Variants in DMD observed in about 807,000 individuals in gnomAD.
DMD encodes the protein mutant dystrophin.
A neutral mutation model predicts 330.1 loss-of-function variants in DMD; 63 were observed. The ratio of observed to expected loss-of-function variants is 0.19; its 90% CI spans 0.16 to 0.24. DMD has a LOEUF of 0.24. Ranked by LOEUF, DMD falls within the 10% of genes least tolerant of loss-of-function variation. DMD has a pLI of 1.00. For synonymous variants in DMD, 1,223 were observed against 959.8 expected (o/e 1.27, Z -5.07); for missense variants, 3,344 against 2,684.1 (o/e 1.25, Z -5.43).
Position 31,146,143 on chromosome X carries a change from T to C in DMD, c.10921+148A>G, listed in dbSNP as rs1295959993. 1.7e-5 allele frequency: 12 copies of C among 713,391 alleles called. No individual in the cohort carries two copies. The Admixed American group carries it at 2.6e-4, about 15-fold the overall frequency. 58.8% of individuals were successfully genotyped at this position (713,391 alleles called of 1,213,427 possible). ...AGAATACACCTTTTTAGAATTTTCT[T>C]TTTAGACTTTTTTCGCCTGGTATAT... On this transcript the variant is annotated intron_variant, in intron 76 of 78. Transcript: ENST00000357033.
Position 32,823,028 on chromosome X carries a change from C to T in DMD, c.357+267G>A, listed in dbSNP as rs553418223. 7.2e-5 allele frequency among the ~76,000 whole-genome samples: 8 copies of T among 111,552 alleles called. No individual in the cohort carries two copies. In the South Asian group the frequency reaches 3.0e-3, roughly 41 times the overall value. On this transcript the variant is annotated intron_variant, in intron 5 of 78. Coordinates refer to ENST00000357033, the MANE Select transcript of DMD (RefSeq NM_004006.3). The stretch of plus-strand genomic sequence containing the variant: ...ATACATTTGTGAAAAAAATTACTCA[C>T]CTATGATTGGGACTTTGTATTTTTA...
intron 2 of DMD, among the ~76,000 whole-genome samples, chrX:32,868,571 G>A (rs921445304): frequency 2.7e-5 from 3 of 112,268 alleles, no homozygotes; most frequent in Non-Finnish European, 5.6e-5. Flanking sequence ...CAGGTTTGAG[G>A]GAGACTGGAC....
At chrX:31,406,801 A>G (rs2061418031) in intron 60 of DMD, among the ~76,000 whole-genome samples, 1 of 111,330 alleles carries the variant, frequency 9.0e-6, no homozygotes, top group East Asian at 2.8e-4. Flanking sequence ...TCATAAACAG[A>G]TCAAGGTCAG....
Position 33,309,219 on chromosome X carries a change from T to G in DMD, c.7+30040A>C, listed in dbSNP as rs568438816. 9.0e-4 allele frequency among the ~76,000 whole-genome samples: 101 copies of G among 112,078 alleles called. 1 individual carries two copies. The South Asian group carries it at 0.036, about 40-fold the overall frequency. On this transcript the variant is annotated intron_variant, in intron 1 of 17. Transcript: ENST00000288447. ...CACGGTGTTAAATAATTAACAGGAT[T>G]ATAATTATATTCATAATTCTTTATC...
At chrX:33,007,945 G>A (rs1409197219) in intron 2 of DMD, among the ~76,000 whole-genome samples, 2 of 110,956 alleles carry the variant, frequency 1.8e-5, no homozygotes, top group African/African-American at 6.5e-5. Flanking sequence ...TTCAGGCCAG[G>A]TAAACTAAAT....
At chrX:32,995,524 G>C (rs762867084) in intron 2 of DMD, among the ~76,000 whole-genome samples, 1 of 111,941 alleles carries the variant, frequency 8.9e-6, no homozygotes, top group South Asian at 3.7e-4. Context: ...TCTTGGCATT[G>C]GGAAGCAAGA....
At chrX:32,865,223 T>TA (rs1311675147) in intron 2 of DMD, among the ~76,000 whole-genome samples, 3 of 111,326 alleles carry the variant, frequency 2.7e-5, no homozygotes, top group Non-Finnish European at 5.6e-5. Flanking sequence ...GATAAAAACA[T>TA]ACTGCCACTG....
At chrX:32,737,410 G>A (rs765963017) in intron 7 of DMD, among the ~76,000 whole-genome samples, 3 of 110,361 alleles carry the variant, frequency 2.7e-5, no homozygotes, top group African/African-American at 6.6e-5. Context: ...CTTCCCCAAT[G>A]TTTTTACTAC....
At chrX:31,563,622 T>G (rs2147871888) in intron 55 of DMD, among the ~76,000 whole-genome samples, 1 of 112,082 alleles carries the variant, frequency 8.9e-6, no homozygotes, top group South Asian at 3.7e-4. Context: ...TCAAGGCACT[T>G]GAAATTTACA....
intron 60 of DMD, among the ~76,000 whole-genome samples, chrX:31,354,093 C>T (rs2148531970): frequency 9.0e-6 from 1 of 111,618 alleles, no homozygotes; most frequent in African/African-American, 3.3e-5. Flanking sequence ...TCCATGAGAA[C>T]TCATAATCTA....
intron 16 of DMD, among the ~76,000 whole-genome samples, chrX:32,562,564 G>T (rs982167621): frequency 8.9e-6 from 1 of 112,351 alleles, no homozygotes; most frequent in African/African-American, 3.2e-5. Context: ...TTATTTAAAA[G>T]AATTTTTGAA....
intron 44 of DMD, among the ~76,000 whole-genome samples, chrX:32,067,856 T>C (rs960583121): frequency 8.9e-6 from 1 of 112,152 alleles, no homozygotes; most frequent in Non-Finnish European, 1.9e-5. Context: ...ATTTGTTTTC[T>C]TTTGGATATC....
At chrX:31,124,125 C>G (rs2033263455) in intron 78 of DMD, among the ~76,000 whole-genome samples, 2 of 111,796 alleles carry the variant, frequency 1.8e-5, no homozygotes, top group African/African-American at 6.5e-5. Flanking sequence ...CACACTCCGA[C>G]AAAAAGTTGG....
At chrX:32,695,884 A>C (rs1206511746) in intron 9 of DMD, among the ~76,000 whole-genome samples, 2 of 112,451 alleles carry the variant, frequency 1.8e-5, no homozygotes, top group African/African-American at 6.5e-5. Flanking sequence ...AAAGACACAG[A>C]ATAGTCAGAG....
At chrX:31,679,813 A>C (rs1268506268) in intron 52 of DMD, among the ~76,000 whole-genome samples, 4 of 112,158 alleles carry the variant, frequency 3.6e-5, no homozygotes, top group African/African-American at 1.3e-4. Context: ...CAACATATAT[A>C]TAAAATTTTA....
intron 11 of DMD, among the ~76,000 whole-genome samples, chrX:32,618,278 T>C (rs1300777089): frequency 8.9e-6 from 1 of 112,257 alleles, no homozygotes; most frequent in Non-Finnish European, 1.9e-5. Context: ...TTATCAGTGG[T>C]AAACTGGATA....
intron 1 of DMD, among the ~76,000 whole-genome samples, chrX:33,070,669 CTCTCTATATATATATATATATA>C (rs1352497982): frequency 4.4e-5 from 2 of 45,681 alleles, no homozygotes; most frequent in African/African-American, 1.9e-4. Context: ...CTCTCTCTCT[CTCTCTATATATATATATATATA>C]TATATATATA....
intron 77 of DMD, among the ~76,000 whole-genome samples, chrX:31,131,632 C>T (rs1309618577): frequency 9.0e-6 from 1 of 111,456 alleles, no homozygotes; most frequent in Admixed American, 9.5e-5. Flanking sequence ...TTAAGATTCT[C>T]AAGAATTTCT....
chrX:32,504,326 T>C (rs763341849), intron 18 of DMD, among the ~76,000 whole-genome samples: 2 of 111,842 alleles, frequency 1.8e-5, no homozygotes, highest in Non-Finnish European at 3.8e-5. Context: ...AATATATCTG[T>C]ACAAATGATA....
Sources: allele counts gnomAD v4.1 joint callset (sites outside exome capture counted in the v4.1 genomes callset), GRCh38; gene constraint gnomAD v4.1.1; transcripts MANE v1.5; gene names NCBI Gene and HGNC (gene_info 2026-07-23, HGNC 2026-07-21).